SYT1: variants seen among roughly 807,000 people sequenced by gnomAD.
SYT1 encodes the protein synaptotagmin-1.
SYT1 carries 8 observed loss-of-function variants against 44.8 expected under a neutral mutation model. That is an observed-to-expected ratio of 0.18 (90% CI 0.10 to 0.32). The LOEUF is 0.32. Among genes scored for constraint, SYT1 ranks in the 10% least tolerant of loss-of-function variants. The pLI is 1.00. For synonymous variants in SYT1, 154 were observed against 188.8 expected (o/e 0.82, Z 1.51); for missense variants, 286 against 509.3 (o/e 0.56, Z 4.22).
chr12:79,014,122 C>CAAAAAAAA (rs1358787041), intron 2 of SYT1, among the ~76,000 whole-genome samples: 5 of 39,726 alleles, frequency 1.3e-4, no homozygotes, highest in Non-Finnish European at 2.3e-4. Flanking sequence ...AGACTCTCTC[C>CAAAAAAAA]AAAAAAAAAA....
chr12:79,241,545 C>A (rs1876514418), intron 4 of SYT1, among the ~76,000 whole-genome samples: 1 of 152,130 alleles, frequency 6.6e-6, no homozygotes, highest in South Asian at 2.1e-4. Context: ...AGGCATGAGC[C>A]ACCATGTCCA....
Position 79,179,360 on chromosome 12 carries a change from A to AGATATATCGATATGTCTATATC in SYT1, c.-17-38137_-17-38136insTCGATATGTCTATATCGATATA, listed in dbSNP as rs1565841959. Among the ~76,000 whole-genome samples, 7 of 66,450 alleles carry AGATATATCGATATGTCTATATC rather than the reference A, an allele frequency of 1.1e-4. 1 individual carries two copies. The highest frequency in any genetic ancestry group is 9.0e-4 in the South Asian group (2 of 2,234). 43.6% of individuals were successfully genotyped at this position (66,450 alleles called of 152,430 possible). ...TATATCGATATGTCTATATCGATAT[A>AGATATATCGATATGTCTATATC]GATATAGATATAGATATAGATATAT... On this transcript the variant is annotated intron_variant, in intron 3 of 10. Coordinates refer to ENST00000261205, the MANE Select transcript of SYT1 (RefSeq NM_005639.3).
chr12:79,022,100 GAA>G (rs997667952), intron 2 of SYT1, among the ~76,000 whole-genome samples: 157 of 144,708 alleles, frequency 1.1e-3, no homozygotes, highest in African/African-American at 2.8e-3. Context: ...ATTTGCGGAA[GAA>G]AAAAAAAAGA....
At chr12:79,372,703 A>C (rs1327748162) in intron 9 of SYT1, among the ~76,000 whole-genome samples, 12 of 152,210 alleles carry the variant, frequency 7.9e-5, no homozygotes, top group Admixed American at 7.9e-4. Flanking sequence ...CCCAACAAGT[A>C]GATCTAAAAT....
chr12:79,044,784 G>A (rs1434570088), intron 2 of SYT1, among the ~76,000 whole-genome samples: 2 of 149,172 alleles, frequency 1.3e-5, no homozygotes, highest in Non-Finnish European at 3.0e-5. Flanking sequence ...CTTTGATGAT[G>A]GTGATGTACA....
intron 3 of SYT1, among the ~76,000 whole-genome samples, chr12:79,092,273 T>A (rs988294293): frequency 1.4e-4 from 22 of 152,020 alleles, no homozygotes; most frequent in African/African-American, 4.3e-4. Context: ...TATCTCAGAA[T>A]AGGACATGTC....
At chr12:79,091,130 C>T (rs2138002111) in intron 3 of SYT1, among the ~76,000 whole-genome samples, 1 of 152,014 alleles carries the variant, frequency 6.6e-6, no homozygotes, top group East Asian at 1.9e-4. Flanking sequence ...GCCAAAGAGG[C>T]ACGCTTTGGA....
intron 8 of SYT1, among the ~76,000 whole-genome samples, chr12:79,308,263 G>A (rs558779568): frequency 6.6e-6 from 1 of 152,234 alleles, no homozygotes; most frequent in Non-Finnish European, 1.5e-5. Flanking sequence ...GGTGGCTCAC[G>A]CCTGTAATCC....
At chr12:78,994,698 G>A (rs1870254049) in intron 2 of SYT1, among the ~76,000 whole-genome samples, 1 of 151,812 alleles carries the variant, frequency 6.6e-6, no homozygotes, top group Non-Finnish European at 1.5e-5. Context: ...ACTGTGCCCA[G>A]CTAATTTTTT....
At chr12:78,974,106 T>A (rs1251230021) in intron 1 of SYT1, among the ~76,000 whole-genome samples, 1 of 150,322 alleles carries the variant, frequency 6.7e-6, no homozygotes, top group African/African-American at 2.4e-5. Context: ...GCTAACTATA[T>A]ACATAGGCTA....
At chr12:79,336,915 G>T (rs1882116910) in intron 8 of SYT1, among the ~76,000 whole-genome samples, 1 of 152,004 alleles carries the variant, frequency 6.6e-6, no homozygotes, top group South Asian at 2.1e-4. Context: ...GATTTCAAGA[G>T]ATCTTCTGCC....
intron 2 of SYT1, among the ~76,000 whole-genome samples, chr12:79,039,276 T>G (rs1873351615): frequency 6.6e-6 from 1 of 152,062 alleles, no homozygotes; most frequent in Non-Finnish European, 1.5e-5. Context: ...ATATAATATT[T>G]TGTGAAAAAC....
intron 3 of SYT1, among the ~76,000 whole-genome samples, chr12:79,117,780 T>C (rs896070886): frequency 6.8e-6 from 1 of 146,522 alleles, no homozygotes; most frequent in Admixed American, 6.9e-5. Flanking sequence ...AGCTAGGTCA[T>C]ATTATTTATG....
intron 3 of SYT1, among the ~76,000 whole-genome samples, chr12:79,091,501 A>G (rs1877773413): frequency 6.6e-6 from 1 of 152,028 alleles, no homozygotes; most frequent in Non-Finnish European, 1.5e-5. Flanking sequence ...CTTCAGTTGA[A>G]GTGTGGATAG....
At chr12:79,308,226 T>C (rs944299324) in intron 8 of SYT1, among the ~76,000 whole-genome samples, 15 of 152,080 alleles carry the variant, frequency 9.9e-5, no homozygotes, top group Admixed American at 5.2e-4. Flanking sequence ...AAGAAATTTT[T>C]TGTGGAAGTG....
chr12:79,122,492 C>T (rs1421464219), intron 3 of SYT1, among the ~76,000 whole-genome samples: 2 of 103,900 alleles, frequency 1.9e-5, no homozygotes, highest in Non-Finnish European at 3.4e-5. Context: ...CCAGCCTGGG[C>T]GACAGAGCGA....
chr12:79,444,277 A>G, intron 10 of SYT1, 71 bp downstream of exon 10: 1 of 1,570,854 alleles, frequency 6.4e-7, no homozygotes, highest in African/African-American at 1.4e-5. Context: ...ATACACACAG[A>G]CCTTGTAAGT....
At chr12:79,278,788 T>C (rs1212506109) in intron 4 of SYT1, among the ~76,000 whole-genome samples, 2 of 151,426 alleles carry the variant, frequency 1.3e-5, no homozygotes, top group African/African-American at 4.8e-5. Context: ...AGAAAGAGAA[T>C]TTAAATAAGC....
intron 3 of SYT1, among the ~76,000 whole-genome samples, chr12:79,174,767 A>G (rs1871755957): frequency 6.6e-6 from 1 of 152,166 alleles, no homozygotes; most frequent in South Asian, 2.1e-4. Flanking sequence ...TTAAAAAATT[A>G]TATTCCTTCA....
Sources: allele counts gnomAD v4.1 joint callset (sites outside exome capture counted in the v4.1 genomes callset), GRCh38; gene constraint gnomAD v4.1.1; transcripts MANE v1.5; gene names NCBI Gene and HGNC (gene_info 2026-07-23, HGNC 2026-07-21).